PES1: variants seen among roughly 807,000 people sequenced by gnomAD.
PES1 encodes the protein pescadillo ribosomal biogenesis factor 1, also known as pescadillo homolog.
In PES1, 31 loss-of-function variants were observed where a neutral mutation model predicts 77.1. The ratio of observed to expected loss-of-function variants is 0.40; its 90% CI spans 0.30 to 0.54. PES1 has a LOEUF of 0.54. Among genes scored for constraint, PES1 ranks in the 20% least tolerant of loss-of-function variants. The pLI, the probability that PES1 is intolerant of heterozygous loss-of-function variation, is 0.45. For synonymous variants in PES1, 282 were observed against 303.0 expected, an observed-to-expected ratio of 0.93 and a Z score of 0.72; for missense variants, 658 against 771.7, an observed-to-expected ratio of 0.85 and a Z score of 1.75.
chr22:30,584,116 C>T, intron 6 of PES1: 1 of 539,994 alleles, frequency 1.9e-6, no homozygotes, highest in South Asian at 2.0e-5. Context: ...ACACTGTTAA[C>T]TGAGGCACAG....
intron 1 of PES1, among the ~76,000 whole-genome samples, chr22:30,605,836 T>C (rs1761439424): frequency 6.6e-6 from 1 of 152,210 alleles, no homozygotes; most frequent in Admixed American, 6.5e-5. Context: ...TTGTGATAAA[T>C]CAGGCTCAAA....
In PES1 at chr22:30,580,650, T is replaced by G; in HGVS notation, c.964A>C (p.Lys322Gln). 6.2e-7 allele frequency: 1 copy of G among 1,613,544 alleles called. No individual in the cohort carries two copies. Among genetic ancestry groups the G allele is most frequent in the Non-Finnish European group, 8.5e-7 (1 of 1,180,004 alleles). The change falls in exon 10 of 15, where the codon AAG becomes CAG. Residue 322 changes from lysine (K) to glutamine (Q), a missense_variant. Transcript: ENST00000354694. Reference sequence around the variant, plus strand: ...AGGCCCTCAAAAAGCTTCTTGTGCTTCTCCTGCGCCTCCAGCTCCTTCCTG... The same window carrying G: ...AGGCCCTCAAAAAGCTTCTTGTGCTGCTCCTGCGCCTCCAGCTCCTTCCTG... The part of the protein sequence containing the change: ...DRRKELEAQE[K>Q]HKKLFEGLKF...
intron 8 of PES1, 104 bp downstream of exon 8, chr22:30,581,230 C>T (rs1224702894): frequency 1.4e-6 from 2 of 1,387,886 alleles, no homozygotes; most frequent in Non-Finnish European, 1.0e-6. Context: ...TGAGACCACC[C>T]ACCTAGCCAT....
At chr22:30,602,757 A>C (rs375477989) in intron 2 of PES1, among the ~76,000 whole-genome samples, 11 of 152,134 alleles carry the variant, frequency 7.2e-5, no homozygotes, top group African/African-American at 2.4e-4. Context: ...TGTGTTTCAT[A>C]GTTAGGTCTA....
At chr22:30,584,764 C>CACCCA in intron 4 of PES1, 47 bp from the exon 5 acceptor site, 1 of 1,590,736 alleles carries the variant, frequency 6.3e-7, no homozygotes, top group Non-Finnish European at 8.6e-7. Context: ...AGCGTGGGTG[C>CACCCA]CAAGGGGGAC....
At chr22:30,580,231 T>C in intron 10 of PES1, 53 bp from the exon 11 acceptor site, 1 of 1,564,452 alleles carries the variant, frequency 6.4e-7, no homozygotes, top group Non-Finnish European at 8.6e-7. Context: ...CTGCCTGTCC[T>C]GAGACTCAGC....
At chr22:30,583,684 G>A in intron 6 of PES1, among the ~76,000 whole-genome samples, 1 of 152,264 alleles carries the variant, frequency 6.6e-6, no homozygotes, top group East Asian at 1.9e-4. Flanking sequence ...AGCACTTTGG[G>A]AGGCTGAGAT....
At chr22:30,589,502 G>A (rs1472156939) in intron 1 of PES1, among the ~76,000 whole-genome samples, 2 of 152,220 alleles carry the variant, frequency 1.3e-5, no homozygotes, top group African/African-American at 2.4e-5. Context: ...TGAGGGCTGC[G>A]AGGCTGCTAC....
intron 2 of PES1, among the ~76,000 whole-genome samples, chr22:30,599,576 C>T (rs1402673058): frequency 3.3e-5 from 5 of 152,128 alleles, no homozygotes; most frequent in Admixed American, 2.6e-4. Context: ...TGTCTAATAT[C>T]TCAGTTCTCA....
At chr22:30,585,988 C>T (rs925885999) in intron 4 of PES1, among the ~76,000 whole-genome samples, 1 of 152,176 alleles carries the variant, frequency 6.6e-6, no homozygotes, top group Admixed American at 6.5e-5. Flanking sequence ...TTGTAGTTTC[C>T]TCACTCTCCA....
intron 8 of PES1, 105 bp from the exon 9 acceptor site, chr22:30,581,206 T>G (rs1602007938): frequency 7.4e-7 from 1 of 1,351,164 alleles, no homozygotes; most frequent in Non-Finnish European, 1.0e-6. Context: ...CAGGTGTGGG[T>G]TCCAAGGGCA....
chr22:30,580,715 G>C lies in PES1; in HGVS notation c.913-14C>G, dbSNP rs758431732. The stretch of plus-strand genomic sequence containing the variant: ...CGCTGACATCTCCTGTTGAGAAAGG[G>C]GCCAGGCCTCGCACCACCAGGGCTG... On this transcript the variant is annotated splice_polypyrimidine_tract_variant and intron_variant, in intron 9 of 14. Transcript: ENST00000354694. 6.2e-7 allele frequency: 1 copy of C among 1,612,674 alleles called. No homozygotes were observed. Among genetic ancestry groups the C allele is most frequent in the East Asian group, 2.2e-5 (1 of 44,868 alleles).
chr22:30,587,252 G>A, intron 4 of PES1, 34 bp downstream of exon 4: 1 of 1,409,740 alleles, frequency 7.1e-7, no homozygotes, highest in Non-Finnish European at 1.0e-6. Flanking sequence ...AGTAAATGAA[G>A]AAACAGCAGT....
At chr22:30,597,185 A>G (rs554149629) in intron 2 of PES1, among the ~76,000 whole-genome samples, 3 of 151,922 alleles carry the variant, frequency 2.0e-5, no homozygotes, top group Admixed American at 1.3e-4. Context: ...AGCCTCCCCA[A>G]CGAGCGCCGC....
chr22:30,597,864 C>T (rs574833730), intron 2 of PES1, among the ~76,000 whole-genome samples: 1,800 of 107,020 alleles, frequency 0.017, 21 homozygotes, highest in Non-Finnish European at 0.025. Flanking sequence ...GGTTTTTTTT[C>T]CACGCAGTTG....
At chr22:30,599,864 C>T (rs1189034252) in intron 2 of PES1, among the ~76,000 whole-genome samples, 1 of 152,086 alleles carries the variant, frequency 6.6e-6, no homozygotes, top group Non-Finnish European at 1.5e-5. Context: ...TGAGCCATTG[C>T]ACTCCAGCCT....
intron 4 of PES1, chr22:30,586,942 C>T (rs2087100185): frequency 3.8e-6 from 1 of 265,346 alleles, no homozygotes; most frequent in Admixed American, 5.0e-5. Context: ...CGAGAGGTGT[C>T]TAGCCATGCT....
At chr22:30,583,109 G>A (rs549610838) in intron 6 of PES1, among the ~76,000 whole-genome samples, 1 of 152,328 alleles carries the variant, frequency 6.6e-6, no homozygotes, top group African/African-American at 2.4e-5. Flanking sequence ...ACCAGTCTGA[G>A]CAGCATGGGG....
chr22:30,581,740 C>A, intron 6 of PES1, 96 bp from the exon 7 acceptor site: 3 of 820,594 alleles, frequency 3.7e-6, no homozygotes, highest in East Asian at 2.5e-5. Flanking sequence ...CTGACCTACC[C>A]AAAGACCCCA....
Sources: gnomAD v4.1 joint callset for allele counts (sites outside exome capture counted in the v4.1 genomes callset) on GRCh38, gnomAD v4.1.1 for gene constraint, MANE v1.5 for transcripts, NCBI Gene and HGNC (gene_info 2026-07-23, HGNC 2026-07-21) for gene names.